The following DMBT1 variants were observed in gnomAD, a reference collection of about 807,000 sequenced individuals.
The protein encoded by DMBT1 is deleted in malignant brain tumors 1, also known as scavenger receptor cysteine-rich domain-containing protein DMBT1.
A neutral mutation model predicts 252.9 loss-of-function variants in DMBT1; 198 were observed. The ratio of observed to expected loss-of-function variants is 0.78; its 90% confidence interval spans 0.70 to 0.88. DMBT1 has a LOEUF of 0.88. Among genes scored for constraint, DMBT1 ranks in the 40% least tolerant of loss-of-function variants. The pLI, the probability that DMBT1 is intolerant of heterozygous loss-of-function variation, is 0.00. For missense variants in DMBT1, 2,432 were observed against 2,404.7 expected, an observed-to-expected ratio of 1.01 and a Z score of -0.24; for synonymous variants, 990 against 942.7, an observed-to-expected ratio of 1.05 and a Z score of -0.92.
intron 2 of DMBT1, 59 bp downstream of exon 2, chr10:122,566,055 T>C: frequency 6.4e-7 from 1 of 1,556,870 alleles, no homozygotes; most frequent in Non-Finnish European, 8.9e-7. Context: ...CCTCTGCTAC[T>C]GTTGGCTAGT....
At chr10:122,577,888 A>AGTTAC in intron 8 of DMBT1, 48 bp downstream of exon 8, 1 of 1,602,636 alleles carries the variant, frequency 6.2e-7, no homozygotes. Context: ...CTTTCTGCTC[A>AGTTAC]GTTACCCCTT....
At chr10:122,600,540 A>C (rs979461867) in intron 27 of DMBT1, among the ~76,000 whole-genome samples, 2 of 152,232 alleles carry the variant, frequency 1.3e-5, no homozygotes, top group Non-Finnish European at 2.9e-5. Context: ...TTGTATCCAG[A>C]AAAGGCAGAG....
intron 1 of DMBT1, 87 bp from the exon 2 acceptor site, chr10:122,565,880 T>G (rs944099736): frequency 1.5e-6 from 2 of 1,331,914 alleles, no homozygotes; most frequent in Non-Finnish European, 1.1e-6. Flanking sequence ...CTGGTGTGAT[T>G]GTACGGTGAA....
intron 8 of DMBT1, among the ~76,000 whole-genome samples, chr10:122,578,365 C>T (rs1032354338): frequency 4.6e-5 from 7 of 152,196 alleles, no homozygotes; most frequent in Non-Finnish European, 7.3e-5. Context: ...TCCCCCAGGG[C>T]GGACCCCTAG....
chr10:122,567,651 G>T (rs895539625), intron 2 of DMBT1, among the ~76,000 whole-genome samples: 1 of 152,148 alleles, frequency 6.6e-6, no homozygotes, highest in African/African-American at 2.4e-5. Context: ...CTCAGGACCT[G>T]TACCTATTTT....
At chr10:122,587,997 T>C (rs2097805775) in intron 16 of DMBT1, among the ~76,000 whole-genome samples, 1 of 148,534 alleles carries the variant, frequency 6.7e-6, no homozygotes, top group African/African-American at 2.4e-5. Flanking sequence ...GGCAGACACA[T>C]GGGGAGCAAG....
Position 122,576,498 on chromosome 10 carries a change from A to C in DMBT1, c.383A>C (p.Asp128Ala). The change falls in exon 7 of 56, where the codon GAT becomes GCT. Residue 128 changes from aspartate to alanine, a missense_variant. Asp to Ala is a moderately radical substitution (Grantham distance 126). Around this residue, in one of 3 missense-constraint regions of DMBT1, gnomAD observed 1,264 missense variants for 1,082.2 expected, o/e 1.17. Transcript: ENST00000338354. ...LYRGSWGTVC[D>A]DSWDTNDANV... is the part of the protein sequence containing the mutation. Reference sequence around the variant, plus strand: ...CGAGGCTCCTGGGGCACCGTGTGTGATGACAGCTGGGACACCAATGATGCC... The same window carrying C: ...CGAGGCTCCTGGGGCACCGTGTGTGCTGACAGCTGGGACACCAATGATGCC... The C allele has an allele frequency of 6.2e-7, 1 of 1,613,940 alleles. No homozygotes were observed. Among genetic ancestry groups the C allele is most frequent in the Non-Finnish European group, 8.5e-7 (1 of 1,179,860 alleles).
At position 122,598,877 on chromosome 10, in the gene DMBT1, C is replaced by T; in HGVS notation, c.3060C>T (p.Asp1020=). ...YQGSWGTVCD[D]SWDTNDANVV... is the part of the protein sequence containing the mutation. ...GCTCCTGGGGCACCGTGTGCGATGACAGCTGGGACACCAATGATGCCAATG... is the reference window on the plus strand; with the variant it reads ...GCTCCTGGGGCACCGTGTGCGATGATAGCTGGGACACCAATGATGCCAATG... The change falls in exon 26 of 56, where the codon GAC becomes GAT. Residue 1020 remains aspartate, a synonymous_variant. Transcript: ENST00000338354. 1 of 1,613,860 alleles carries T rather than the reference C, an allele frequency of 6.2e-7. No homozygotes were observed. The highest frequency in any genetic ancestry group is 8.5e-7 in the Non-Finnish European group (1 of 1,179,788).
chr10:122,624,384 A>T (rs779675231), intron 44 of DMBT1, among the ~76,000 whole-genome samples: 1 of 152,212 alleles, frequency 6.6e-6, no homozygotes, highest in Non-Finnish European at 1.5e-5. Flanking sequence ...ATGATGAAGA[A>T]CAGGCTTCCG....
intron 39 of DMBT1, 150 bp from the exon 40 acceptor site, chr10:122,617,078 G>C (rs1482946819): frequency 3.2e-6 from 3 of 943,590 alleles, no homozygotes; most frequent in South Asian, 2.6e-5. Context: ...GTTCACAGCA[G>C]AGGAGACCTG....
intron 42 of DMBT1, 58 bp from the exon 43 acceptor site, chr10:122,620,195 T>G: frequency 6.4e-7 from 1 of 1,571,864 alleles, no homozygotes; most frequent in African/African-American, 1.4e-5. Flanking sequence ...GAGATTTTTT[T>G]TTGTAGCTTT....
chr10:122,568,150 G>T (rs1486523388), intron 2 of DMBT1, among the ~76,000 whole-genome samples: 9 of 152,154 alleles, frequency 5.9e-5, no homozygotes, highest in Admixed American at 5.9e-4. Context: ...TTAGATGTAG[G>T]ATGTGAGGAG....
intron 52 of DMBT1, among the ~76,000 whole-genome samples, chr10:122,634,591 G>T (rs560334193): frequency 3.6e-3 from 543 of 151,490 alleles, no homozygotes; most frequent in Middle Eastern, 6.8e-3. Flanking sequence ...CTGCCTCCCG[G>T]GTTCAAGCGA....
In DMBT1 at chr10:122,580,421, T is replaced by C. The variant is rs1435961839; in HGVS notation, c.1004-445T>C. Reference sequence around the variant, plus strand: ...GGGTTGGAGTTCTTGACCTCAGCTCTTCTCAGAACGCTGCTGAGCATTGCC... The same window carrying C: ...GGGTTGGAGTTCTTGACCTCAGCTCCTCTCAGAACGCTGCTGAGCATTGCC... On this transcript the variant is annotated intron_variant, in intron 10 of 55. Coordinates refer to ENST00000338354, the MANE Select transcript of DMBT1 (RefSeq NM_001377530.1). 4.0e-4 allele frequency among the ~76,000 whole-genome samples: 61 copies of C among 152,288 alleles called. No homozygotes were observed. The Middle Eastern group carries it at 0.01, about 25-fold the overall frequency.
intron 5 of DMBT1, among the ~76,000 whole-genome samples, chr10:122,573,001 GT>G (rs1346600097): frequency 1.1e-4 from 17 of 152,310 alleles, no homozygotes; most frequent in African/African-American, 3.8e-4. Context: ...GATTTCCTTT[GT>G]TCACATAGTG....
chr10:122,599,150 A>G (rs2097914860), intron 26 of DMBT1, 53 bp downstream of exon 26: 3 of 1,613,086 alleles, frequency 1.9e-6, no homozygotes, highest in East Asian at 2.2e-5. Context: ...TTGCTCCAGA[A>G]GAAACTCCTA....
intron 52 of DMBT1, among the ~76,000 whole-genome samples, 190 bp downstream of exon 52, chr10:122,633,531 C>T (rs539699422): frequency 3.9e-5 from 6 of 152,252 alleles, no homozygotes; most frequent in South Asian, 2.1e-4. Flanking sequence ...AGAGGCATCC[C>T]GTGGAGAGTT....
chr10:122,592,308 G>T lies in DMBT1; in HGVS notation c.2213G>T (p.Gly738Val). ...ESSLTLRLVN[G>V]SDRCQGRVEV... ...AGTTTGACCCTGAGGCTGGTGAATG[G>T]AAGTGACAGGTGTCAGGGCCGAGTA... is the stretch of plus-strand genomic sequence containing the variant. The change falls in exon 20 of 56, where the codon GGA becomes GTA. Residue 738 changes from glycine to valine, a missense_variant. Coordinates refer to ENST00000338354, the MANE Select transcript of DMBT1 (RefSeq NM_001377530.1). 1 of 1,587,674 alleles carries T rather than the reference G, an allele frequency of 6.3e-7. No homozygotes were observed.
At chr10:122,600,027 A>T in intron 26 of DMBT1, 37 bp from the exon 27 acceptor site, 1 of 1,607,254 alleles carries the variant, frequency 6.2e-7, no homozygotes, top group Non-Finnish European at 8.5e-7. Context: ...CTTCTGTGTA[A>T]TGTTCCTGAT....
Sources: allele counts gnomAD v4.1 joint callset (sites outside exome capture counted in the v4.1 genomes callset), GRCh38; gene constraint gnomAD v4.1.1; regional missense constraint gnomAD v4.1.1; transcripts MANE v1.5; gene names NCBI Gene and HGNC (gene_info 2026-07-23, HGNC 2026-07-21).